TGFBR3: variants seen among roughly 807,000 people sequenced by gnomAD.
TGFBR3 encodes the protein transforming growth factor beta receptor type 3.
TGFBR3 carries 46 observed loss-of-function variants against 87.9 expected under a neutral mutation model. That is an observed-to-expected ratio of 0.52 (90% CI 0.41 to 0.67). The LOEUF (loss-of-function observed/expected upper bound fraction) is 0.67, where lower values mean the gene tolerates loss of function less well. Among genes scored for constraint, TGFBR3 ranks in the 30% least tolerant of loss-of-function variants. The pLI, the probability that TGFBR3 is intolerant of heterozygous loss-of-function variation, is 0.00. For missense variants in TGFBR3, 866 were observed against 1,041.9 expected (o/e 0.83, Z 2.32); for synonymous variants, 381 against 391.6 (o/e 0.97, Z 0.32).
chr1:91,899,334 T>C (rs969882763), intron 2 of TGFBR3, among the ~76,000 whole-genome samples: 3 of 152,128 alleles, frequency 2.0e-5, no homozygotes, highest in African/African-American at 7.2e-5. Flanking sequence ...AGTGAGATCC[T>C]GTCTCTACAA....
intron 3 of TGFBR3, among the ~76,000 whole-genome samples, chr1:91,784,148 T>G (rs1272789651): frequency 2.0e-5 from 3 of 152,166 alleles, no homozygotes; most frequent in African/African-American, 4.8e-5. Context: ...AACAAAGATC[T>G]GCAGTTTAGA....
chr1:91,683,081 C>T lies in TGFBR3; in HGVS notation c.*658G>A, dbSNP rs1670965372. On this transcript the variant is annotated 3_prime_UTR_variant, in exon 17 of 17. Coordinates refer to ENST00000212355, the MANE Select transcript of TGFBR3 (RefSeq NM_003243.5). Reference sequence around the variant, plus strand: ...GGAAGAAACAGGAAGCTGATAAGGTCATCAGCATTGGTTTTGGCCCAGGGC... The same window carrying T: ...GGAAGAAACAGGAAGCTGATAAGGTTATCAGCATTGGTTTTGGCCCAGGGC... The T allele has an allele frequency of 2.2e-6, 1 of 454,468 alleles. No individual in the cohort carries two copies. The highest frequency in any genetic ancestry group is 1.6e-5 in the South Asian group (1 of 64,470). The allele number at this position is 454,468 out of a possible 1,614,324, so 28.2% of individuals were successfully genotyped here.
chr1:91,711,187 C>G (rs180967458), intron 13 of TGFBR3, among the ~76,000 whole-genome samples: 183 of 152,356 alleles, frequency 1.2e-3, no homozygotes, highest in African/African-American at 4.3e-3. Context: ...TAAGGCATCA[C>G]CGCCGCAAAA....
chr1:91,856,176 C>T (rs1677943712), intron 2 of TGFBR3, among the ~76,000 whole-genome samples: 1 of 152,178 alleles, frequency 6.6e-6, no homozygotes, highest in African/African-American at 2.4e-5. Context: ...CATTCTTCTG[C>T]CTCAGCCTCC....
chr1:91,839,479 C>T (rs1480062725), intron 2 of TGFBR3, among the ~76,000 whole-genome samples: 1 of 152,124 alleles, frequency 6.6e-6, no homozygotes, highest in Non-Finnish European at 1.5e-5. Flanking sequence ...ACCTTTACAC[C>T]AGAGAATTCT....
intron 3 of TGFBR3, among the ~76,000 whole-genome samples, chr1:91,787,664 A>G (rs559492798): frequency 6.6e-6 from 1 of 152,222 alleles, no homozygotes; most frequent in Non-Finnish European, 1.5e-5. Context: ...CAGAAAGCCA[A>G]GGGCTATGCC....
At chr1:91,851,401 T>C (rs376689961) in intron 2 of TGFBR3, among the ~76,000 whole-genome samples, 3 of 152,320 alleles carry the variant, frequency 2.0e-5, no homozygotes, top group South Asian at 2.1e-4. Context: ...GCCATGGATG[T>C]GGTGCGGGAT....
At chr1:91,738,051 ACT>A (rs1673023396) in intron 4 of TGFBR3, among the ~76,000 whole-genome samples, 1 of 152,016 alleles carries the variant, frequency 6.6e-6, no homozygotes. Flanking sequence ...CAAAAAGCTG[ACT>A]CTCTCACAAG....
Position 91,813,576 on chromosome 1 carries a change from CTTCT to C in TGFBR3, c.62-16109_62-16106del, listed in dbSNP as rs570586727. 2.9e-3 allele frequency among the ~76,000 whole-genome samples: 441 copies of C among 152,324 alleles called. 3 individuals are homozygous for C. Among genetic ancestry groups the C allele is most frequent in the African/African-American group, 1.0e-2 (414 of 41,556 alleles). ...AGTTGTATTCACCATTCCTTCCTGT[CTTCT>C]TTCTTGAGTCAGTGCCAGCAAGCAC... On this transcript the variant is annotated intron_variant, in intron 2 of 16. Transcript: ENST00000212355.
chr1:91,753,848 G>A (rs899979496), intron 4 of TGFBR3, among the ~76,000 whole-genome samples: 6 of 152,174 alleles, frequency 3.9e-5, no homozygotes, highest in African/African-American at 1.4e-4. Context: ...CCACTCATCT[G>A]TTGGTAGACA....
intron 11 of TGFBR3, 26 bp downstream of exon 11, chr1:91,716,542 A>ACCC (rs760855127): frequency 6.2e-7 from 1 of 1,613,980 alleles, no homozygotes; most frequent in Non-Finnish European, 8.5e-7. Context: ...TTTTCCACAA[A>ACCC]CCCCCTACTG....
intron 3 of TGFBR3, among the ~76,000 whole-genome samples, chr1:91,776,203 T>A (rs1211685755): frequency 6.6e-6 from 1 of 152,216 alleles, no homozygotes; most frequent in Non-Finnish European, 1.5e-5. Flanking sequence ...GAGCTTGAGA[T>A]CATCTAAATG....
rs772332689 is a variant in TGFBR3, at chr1:91,716,310, A to C, written c.1792T>G (p.Tyr598Asp). Residue 598 changes from tyrosine to aspartate, a missense_variant, in exon 12 of 17, where the codon TAC becomes GAC. Physicochemically the swap from Tyr to Asp is radical, Grantham distance 160. Transcript: ENST00000212355. ...GGCACCAAAAAGAGGTCAGTGTTGT[A>C]TAGCTCCATGTTGAAGGTGATGTTT... is the stretch of plus-strand genomic sequence containing the variant. ...HGNITFNMEL[Y>D]NTDLFLVPSQ... The C allele has an allele frequency of 6.2e-7, 1 of 1,614,188 alleles. No individual in the cohort carries two copies. The highest frequency in any genetic ancestry group is 8.5e-7 in the Non-Finnish European group (1 of 1,180,022).
At chr1:91,735,840 T>TTGAGTGAAA (rs1672950699) in intron 4 of TGFBR3, among the ~76,000 whole-genome samples, 1 of 152,220 alleles carries the variant, frequency 6.6e-6, no homozygotes, top group Non-Finnish European at 1.5e-5. Context: ...ACTGATTTTT[T>TTGAGTGAAA]CAATGTCAGA....
intron 3 of TGFBR3, among the ~76,000 whole-genome samples, chr1:91,791,509 G>A (rs1675193025): frequency 6.6e-6 from 1 of 152,112 alleles, no homozygotes; most frequent in African/African-American, 2.4e-5. Flanking sequence ...AATCAAAAAG[G>A]ACTCCAAGCA....
chr1:91,872,766 G>A lies in TGFBR3; in HGVS notation c.-113-11122C>T, dbSNP rs17885540. ...TTAAAGGGCAAACCACAGGCAGAGAGAAACCGCAGCAAGCCCATGCCTGTT... is the reference window on the plus strand; with the variant it reads ...TTAAAGGGCAAACCACAGGCAGAGAAAAACCGCAGCAAGCCCATGCCTGTT... On this transcript the variant is annotated intron_variant, in intron 1 of 16. Coordinates refer to ENST00000212355, the MANE Select transcript of TGFBR3 (RefSeq NM_003243.5). Among the ~76,000 whole-genome samples, 693 of 152,292 alleles carry A rather than the reference G, an allele frequency of 4.6e-3. 8 individuals are homozygous for A. The highest frequency in any genetic ancestry group is 0.016 in the African/African-American group (664 of 41,554).
intron 4 of TGFBR3, among the ~76,000 whole-genome samples, chr1:91,748,966 A>C (rs1245815405): frequency 1.3e-5 from 2 of 152,154 alleles, no homozygotes; most frequent in African/African-American, 4.8e-5. Flanking sequence ...ACACACTAGA[A>C]GTGCTTGTTA....
chr1:91,897,100 GT>G (rs1679569926), intron 2 of TGFBR3, among the ~76,000 whole-genome samples: 1 of 152,116 alleles, frequency 6.6e-6, no homozygotes, highest in South Asian at 2.1e-4. Context: ...TTGCCTGGTT[GT>G]TTTTCTCTTT....
chr1:91,751,843 T>C (rs562484707), intron 4 of TGFBR3, among the ~76,000 whole-genome samples: 5 of 152,330 alleles, frequency 3.3e-5, no homozygotes, highest in East Asian at 3.9e-4. Context: ...CCTGCCTTGA[T>C]ATTTACTTGG....
Sources: gnomAD v4.1 joint callset for allele counts (sites outside exome capture counted in the v4.1 genomes callset) on GRCh38, gnomAD v4.1.1 for gene constraint, MANE v1.5 for transcripts, NCBI Gene and HGNC (gene_info 2026-07-23, HGNC 2026-07-21) for gene names.